RPS6KA3: variants seen among roughly 807,000 people sequenced by gnomAD.
RPS6KA3 encodes ribosomal protein S6 kinase A3, also known as ribosomal protein S6 kinase alpha-3.
Under a neutral mutation model 67.2 loss-of-function variants are expected in RPS6KA3, and 4 were observed. That is an observed-to-expected ratio of 0.06 (90% CI 0.03 to 0.14). RPS6KA3 has a LOEUF of 0.14. Among genes scored for constraint, RPS6KA3 ranks in the 10% least tolerant of loss-of-function variants. RPS6KA3 has a pLI of 1.00. For missense variants in RPS6KA3, 204 were observed against 559.0 expected, an observed-to-expected ratio of 0.36 and a Z score of 6.40; for synonymous variants, 182 against 183.7, an observed-to-expected ratio of 0.99 and a Z score of 0.07.
At chrX:20,240,587 A>T (rs1250975718) in intron 1 of RPS6KA3, 6 of 561,466 alleles carry the variant, frequency 1.1e-5, no homozygotes, top group Non-Finnish European at 1.3e-5. Context: ...CAGGATTAAG[A>T]ATCAGCTCCT....
At chrX:20,228,936 T>C (rs886069462) in intron 2 of RPS6KA3, among the ~76,000 whole-genome samples, 13 of 111,901 alleles carry the variant, frequency 1.2e-4, no homozygotes, top group African/African-American at 4.2e-4. Flanking sequence ...TATTTTGCCA[T>C]TTTTAAAGCT....
intron 4 of RPS6KA3, among the ~76,000 whole-genome samples, chrX:20,201,903 A>C (rs1241558675): frequency 2.7e-5 from 3 of 109,608 alleles, no homozygotes; most frequent in African/African-American, 9.9e-5. Flanking sequence ...AGATGTGTTA[A>C]GTTGTAAAAT....
At chrX:20,159,703 T>C (rs931143758) in intron 20 of RPS6KA3, among the ~76,000 whole-genome samples, 1 of 112,194 alleles carries the variant, frequency 8.9e-6, no homozygotes, top group African/African-American at 3.2e-5. Flanking sequence ...AAAAAATCAA[T>C]TAATGTGTAA....
chrX:20,191,617 A>C (rs939194403), intron 7 of RPS6KA3, among the ~76,000 whole-genome samples: 16 of 106,164 alleles, frequency 1.5e-4, no homozygotes, highest in African/African-American at 5.8e-4. Flanking sequence ...TTCTCTAATG[A>C]CCAGGGATGA....
At chrX:20,163,794 G>C (rs1026050302) in intron 18 of RPS6KA3, among the ~76,000 whole-genome samples, 1 of 111,040 alleles carries the variant, frequency 9.0e-6, no homozygotes, top group Non-Finnish European at 1.9e-5. Flanking sequence ...TCAGGCTCCC[G>C]AGCAGCTGGG....
chrX:20,262,166 A>T (rs1400493211), intron 1 of RPS6KA3, among the ~76,000 whole-genome samples: 1 of 111,782 alleles, frequency 8.9e-6, no homozygotes, highest in East Asian at 2.8e-4. Context: ...GTGTGACCTT[A>T]CCCATCATTC....
intron 1 of RPS6KA3, among the ~76,000 whole-genome samples, chrX:20,235,861 A>C (rs1310183732): frequency 2.7e-5 from 3 of 111,875 alleles, no homozygotes; most frequent in African/African-American, 9.7e-5. Flanking sequence ...ATGTACATAC[A>C]AGAATGCTCA....
At chrX:20,215,734 T>G (rs927679211) in intron 2 of RPS6KA3, among the ~76,000 whole-genome samples, 1 of 111,732 alleles carries the variant, frequency 8.9e-6, no homozygotes, top group Admixed American at 9.5e-5. Flanking sequence ...AAAGCAACAA[T>G]GTACTTTTCT....
At chrX:20,218,993 G>GC in intron 2 of RPS6KA3, 1 of 433,028 alleles carries the variant, frequency 2.3e-6, no homozygotes. Flanking sequence ...AGAAAAAGAG[G>GC]CCGGACAATT....
chrX:20,250,621 T>C (rs2069838837), intron 1 of RPS6KA3, among the ~76,000 whole-genome samples: 1 of 112,303 alleles, frequency 8.9e-6, no homozygotes, highest in Admixed American at 9.4e-5. Context: ...AAAAAATACG[T>C]TTTCTCCATT....
At chrX:20,234,245 T>A (rs1299982148) in intron 2 of RPS6KA3, among the ~76,000 whole-genome samples, 1 of 112,559 alleles carries the variant, frequency 8.9e-6, no homozygotes, top group Non-Finnish European at 1.9e-5. Flanking sequence ...GGTGGGCAGA[T>A]CACCTGAGGT....
chrX:20,223,133 G>A (rs1465678106), intron 2 of RPS6KA3, among the ~76,000 whole-genome samples: 1 of 110,947 alleles, frequency 9.0e-6, no homozygotes, highest in African/African-American at 3.3e-5. Flanking sequence ...TGTATTTCCG[G>A]GAAAAATCCA....
chrX:20,180,864 G>A (rs1316121916), intron 10 of RPS6KA3, among the ~76,000 whole-genome samples: 1 of 112,287 alleles, frequency 8.9e-6, no homozygotes, highest in Non-Finnish European at 1.9e-5. Context: ...AATCCAGAAA[G>A]CAGAGTTCTA....
At chrX:20,201,354 G>C (rs1358605332) in intron 4 of RPS6KA3, among the ~76,000 whole-genome samples, 1 of 110,596 alleles carries the variant, frequency 9.0e-6, no homozygotes, top group African/African-American at 3.3e-5. Context: ...GCCCTAGCTA[G>C]TCTTGAACTC....
At chrX:20,251,177 G>C (rs2069853356) in intron 1 of RPS6KA3, among the ~76,000 whole-genome samples, 1 of 112,172 alleles carries the variant, frequency 8.9e-6, no homozygotes, top group African/African-American at 3.2e-5. Flanking sequence ...TGTCGCCCAG[G>C]CTGGAGTGCA....
chrX:20,164,597 C>T (rs2067390826), intron 18 of RPS6KA3, among the ~76,000 whole-genome samples: 1 of 109,852 alleles, frequency 9.1e-6, no homozygotes, highest in Non-Finnish European at 1.9e-5. Context: ...GTTGCCCAGG[C>T]TGGTCTGAAA....
At chrX:20,180,220 T>G (rs916701603) in intron 10 of RPS6KA3, among the ~76,000 whole-genome samples, 4 of 110,947 alleles carry the variant, frequency 3.6e-5, no homozygotes, top group African/African-American at 1.3e-4. Context: ...CCAGGGAACT[T>G]TACAACGGAG....
chrX:20,251,492 C>T (rs915579859), intron 1 of RPS6KA3, among the ~76,000 whole-genome samples: 2 of 113,055 alleles, frequency 1.8e-5, no homozygotes, highest in African/African-American at 6.4e-5. Context: ...GCGTAAGCCA[C>T]TGTGCCTGGC....
chrX:20,162,555 C>T (rs1410714213), intron 19 of RPS6KA3, among the ~76,000 whole-genome samples: 1 of 106,960 alleles, frequency 9.3e-6, no homozygotes, highest in Non-Finnish European at 1.9e-5. Context: ...AAAAAAAAAC[C>T]TACATAGGCC....
Sources: gnomAD v4.1 joint callset for allele counts (sites outside exome capture counted in the v4.1 genomes callset) on GRCh38, gnomAD v4.1.1 for gene constraint, MANE v1.5 for transcripts, NCBI Gene and HGNC (gene_info 2026-07-23, HGNC 2026-07-21) for gene names.